The following MSRB3 variants were observed in gnomAD, a reference collection of about 807,000 sequenced individuals.
MSRB3 encodes the protein methionine-R-sulfoxide reductase B3.
Under a neutral mutation model 21.0 loss-of-function variants are expected in MSRB3, and 13 were observed. The ratio of observed to expected loss-of-function variants is 0.62; its 90% confidence interval spans 0.40 to 0.98. The LOEUF (loss-of-function observed/expected upper bound fraction) is 0.98, where lower values mean the gene tolerates loss of function less well. Among genes scored for constraint, MSRB3 ranks in the 50% least tolerant of loss-of-function variants. The pLI is 0.00. For synonymous variants in MSRB3, 87 were observed against 88.6 expected (o/e 0.98, Z 0.10); for missense variants, 199 against 230.3 (o/e 0.86, Z 0.88).
intron 2 of MSRB3, chr12:65,316,160 T>A (rs1874283269): frequency 6.6e-6 from 1 of 152,168 alleles, no homozygotes; most frequent in Admixed American, 6.5e-5. Context: ...CCAGGAATCT[T>A]TGTTTTGTAC....
intron 5 of MSRB3, among the ~76,000 whole-genome samples, chr12:65,426,800 C>A (rs1019949632): frequency 1.3e-5 from 2 of 151,978 alleles, no homozygotes; most frequent in Non-Finnish European, 2.9e-5. Flanking sequence ...TTCATAGATT[C>A]TTTCTTCTGC....
chr12:65,317,472 A>G (rs1874373643), intron 2 of MSRB3, among the ~76,000 whole-genome samples: 1 of 152,184 alleles, frequency 6.6e-6, no homozygotes, highest in Non-Finnish European at 1.5e-5. Flanking sequence ...GAAGGTCTTC[A>G]AGAAACCCAT....
At chr12:65,319,994 C>G (rs1874555441) in intron 2 of MSRB3, among the ~76,000 whole-genome samples, 1 of 152,082 alleles carries the variant, frequency 6.6e-6, no homozygotes, top group Non-Finnish European at 1.5e-5. Flanking sequence ...TTCAACTATG[C>G]AGCACTAAAA....
Position 65,465,223 on chromosome 12 carries a change from C to T in MSRB3, c.*1901C>T, listed in dbSNP as rs1194906252. Reference sequence around the variant, plus strand: ...ATTAAGTCTGGCGGAATGGATGTCACTGTGCACAATAAAGTTTTCACAAGT... The same window carrying T: ...ATTAAGTCTGGCGGAATGGATGTCATTGTGCACAATAAAGTTTTCACAAGT... On this transcript the variant is annotated 3_prime_UTR_variant, in exon 7 of 7. Transcript: ENST00000308259. 1.3e-5 allele frequency: 2 copies of T among 152,176 alleles called. No individual in the cohort carries two copies. Among genetic ancestry groups the T allele is most frequent in the Non-Finnish European group, 2.9e-5 (2 of 68,052 alleles). The allele number at this position is 152,176 out of a possible 1,614,324, so 9.4% of individuals were successfully genotyped here.
chr12:65,391,548 A>C (rs1319308092), intron 5 of MSRB3, among the ~76,000 whole-genome samples: 1 of 152,144 alleles, frequency 6.6e-6, no homozygotes, highest in Non-Finnish European at 1.5e-5. Flanking sequence ...TTTTGTTTGT[A>C]ATTTATATTC....
At chr12:65,333,274 C>T (rs1875547238) in intron 4 of MSRB3, among the ~76,000 whole-genome samples, 2 of 152,064 alleles carry the variant, frequency 1.3e-5, no homozygotes, top group African/African-American at 2.4e-5. Context: ...TAAAATATGA[C>T]AAAATAATGC....
intron 3 of MSRB3, among the ~76,000 whole-genome samples, chr12:65,327,840 G>A (rs11834250): frequency 0.087 from 13,185 of 152,212 alleles, 1,968 homozygotes; most frequent in African/African-American, 0.3. Flanking sequence ...GTGGACTTCA[G>A]TCTCAGCTTG....
chr12:65,373,632 G>A (rs1189420713), intron 5 of MSRB3, among the ~76,000 whole-genome samples: 3 of 152,136 alleles, frequency 2.0e-5, no homozygotes, highest in Non-Finnish European at 2.9e-5. Context: ...ATAGAACACA[G>A]CAACTCAAAG....
chr12:65,357,217 T>C (rs1239501519), intron 4 of MSRB3, among the ~76,000 whole-genome samples: 1 of 151,850 alleles, frequency 6.6e-6, no homozygotes, highest in East Asian at 1.9e-4. Context: ...CCATATCTAG[T>C]CTACCAATGC....
At chr12:65,341,074 A>G (rs1876107512) in intron 4 of MSRB3, among the ~76,000 whole-genome samples, 1 of 152,138 alleles carries the variant, frequency 6.6e-6, no homozygotes, top group South Asian at 2.1e-4. Context: ...GAAAAACTAT[A>G]GACCTATCTG....
At chr12:65,375,924 A>C (rs905542797) in intron 5 of MSRB3, among the ~76,000 whole-genome samples, 24 of 99,408 alleles carry the variant, frequency 2.4e-4, no homozygotes, top group African/African-American at 8.9e-4. Flanking sequence ...TTCAGTACTT[A>C]TTAAAGTTTT....
intron 2 of MSRB3, among the ~76,000 whole-genome samples, chr12:65,323,831 G>C (rs1874845583): frequency 6.6e-6 from 1 of 152,134 alleles, no homozygotes; most frequent in African/African-American, 2.4e-5. Flanking sequence ...TCTGATGATA[G>C]AAGGGCTAAT....
At chr12:65,459,382 C>T (rs1883222340) in intron 6 of MSRB3, among the ~76,000 whole-genome samples, 1 of 152,132 alleles carries the variant, frequency 6.6e-6, no homozygotes, top group Non-Finnish European at 1.5e-5. Context: ...ATTAAAGATA[C>T]ACATGTGTTA....
At chr12:65,309,158 C>T (rs1201056453) in intron 2 of MSRB3, among the ~76,000 whole-genome samples, 1 of 152,092 alleles carries the variant, frequency 6.6e-6, no homozygotes, top group African/African-American at 2.4e-5. Flanking sequence ...GCCAAATAAA[C>T]AGAACTAATA....
At position 65,463,519 on chromosome 12, in the gene MSRB3, T is replaced by C. The variant is rs2136723514; in HGVS notation, c.*197T>C. 1.6e-6 allele frequency: 1 copy of C among 617,328 alleles called. No homozygotes were observed. Among genetic ancestry groups the C allele is most frequent in the Non-Finnish European group, 2.7e-6 (1 of 365,114 alleles). 38.2% of individuals were successfully genotyped at this position (617,328 alleles called of 1,614,324 possible). On this transcript the variant is annotated 3_prime_UTR_variant, in exon 7 of 7. Transcript: ENST00000308259. ...AATTGACTAGATCAAGAACTGTTTATAGCTTTAGCAAATGGAGACAGCTTT... is the reference window on the plus strand; with the variant it reads ...AATTGACTAGATCAAGAACTGTTTACAGCTTTAGCAAATGGAGACAGCTTT...
At chr12:65,411,496 C>T (rs1880714219) in intron 5 of MSRB3, among the ~76,000 whole-genome samples, 1 of 152,160 alleles carries the variant, frequency 6.6e-6, no homozygotes, top group Admixed American at 6.5e-5. Flanking sequence ...AAAATTTGTA[C>T]TCTTTTACCT....
chr12:65,456,273 T>C (rs1271893989), intron 6 of MSRB3, among the ~76,000 whole-genome samples: 1 of 152,228 alleles, frequency 6.6e-6, no homozygotes, highest in African/African-American at 2.4e-5. Context: ...TTGAATCTTA[T>C]GAAAACTAAA....
intron 4 of MSRB3, among the ~76,000 whole-genome samples, chr12:65,351,611 T>TA (rs1402398352): frequency 2.0e-5 from 3 of 147,364 alleles, no homozygotes; most frequent in African/African-American, 5.3e-5. Flanking sequence ...ATAGACACAA[T>TA]AAAAAATGAT....
chr12:65,434,122 T>C lies in MSRB3; in HGVS notation c.293-19606T>C, dbSNP rs144266287. Among the ~76,000 whole-genome samples, 196 of 152,024 alleles carry C rather than the reference T, an allele frequency of 1.3e-3. 1 individual carries two copies. The Middle Eastern group carries it at 0.02, about 16-fold the overall frequency. ...GTCCGTCCTTTCTCCATTTTTTCTT[T>C]TTTTGAAAATTAGACAAGTAGAATC... On this transcript the variant is annotated intron_variant, in intron 5 of 6. Coordinates refer to ENST00000308259, the MANE Select transcript of MSRB3 (RefSeq NM_001031679.3).
Sources: gnomAD v4.1 joint callset for allele counts (sites outside exome capture counted in the v4.1 genomes callset) on GRCh38, gnomAD v4.1.1 for gene constraint, MANE v1.5 for transcripts, NCBI Gene and HGNC (gene_info 2026-07-23, HGNC 2026-07-21) for gene names.